Variants in PTPRM observed in about 807,000 individuals in gnomAD.
PTPRM encodes receptor-type tyrosine-protein phosphatase mu.
In PTPRM, 47 loss-of-function variants were observed where a neutral mutation model predicts 186.7. The observed-to-expected ratio is 0.25, with a 90% confidence interval of 0.20 to 0.32. The LOEUF is 0.32. Among genes scored for constraint, PTPRM ranks in the 10% least tolerant of loss-of-function variants. The pLI, the probability that PTPRM is intolerant of heterozygous loss-of-function variation, is 1.00. For missense variants in PTPRM, 1,494 were observed against 1,865.0 expected (o/e 0.80, Z 3.66); for synonymous variants, 668 against 674.9 (o/e 0.99, Z 0.16).
intron 19 of PTPRM, among the ~76,000 whole-genome samples, chr18:8,262,964 T>G (rs1018784897): frequency 2.6e-5 from 4 of 152,236 alleles, no homozygotes; most frequent in Non-Finnish European, 2.9e-5. Flanking sequence ...TCATATAGGA[T>G]CGGGTGGGCT....
chr18:8,016,291 G>T (rs1346399138), intron 7 of PTPRM, among the ~76,000 whole-genome samples: 6 of 152,106 alleles, frequency 3.9e-5, no homozygotes, highest in Non-Finnish European at 5.9e-5. Flanking sequence ...AGGCTGAGGC[G>T]AGTGGATCAC....
At chr18:7,751,994 TG>T (rs2041241511) in intron 1 of PTPRM, among the ~76,000 whole-genome samples, 1 of 152,242 alleles carries the variant, frequency 6.6e-6, no homozygotes, top group African/African-American at 2.4e-5. Context: ...TAGGGTGGGC[TG>T]GGCTGCCACC....
chr18:7,589,933 G>C (rs1224934921), intron 1 of PTPRM, among the ~76,000 whole-genome samples: 5 of 152,152 alleles, frequency 3.3e-5, no homozygotes, highest in African/African-American at 9.7e-5. Context: ...TGCTTAACAC[G>C]TGCTGCATGT....
Position 8,378,259 on chromosome 18 carries a change from C to T in PTPRM, c.3463-6C>T, listed in dbSNP as rs2095709100. 5 of 1,607,316 alleles carry T rather than the reference C, an allele frequency of 3.1e-6. No individual in the cohort carries two copies. The highest frequency in any genetic ancestry group is 4.3e-6 in the Non-Finnish European group (5 of 1,174,620). On this transcript the variant is annotated splice_region_variant and splice_polypyrimidine_tract_variant and intron_variant, in intron 26 of 32. Coordinates refer to ENST00000580170, the MANE Select transcript of PTPRM (RefSeq NM_001105244.2). Reference sequence around the variant, plus strand: ...AGTTAGTAACTCGTTCCATCTCCTTCTCCAGGAGCAGTATGTGTTTATCCA... The same window carrying T: ...AGTTAGTAACTCGTTCCATCTCCTTTTCCAGGAGCAGTATGTGTTTATCCA...
chr18:8,059,145 A>G (rs1389078225), intron 7 of PTPRM, among the ~76,000 whole-genome samples: 4 of 151,466 alleles, frequency 2.6e-5, no homozygotes, highest in Admixed American at 1.3e-4. Context: ...AGCGGTTTGC[A>G]GTTCTCCTTG....
At chr18:7,997,396 G>A (rs1331538791) in intron 7 of PTPRM, among the ~76,000 whole-genome samples, 2 of 152,102 alleles carry the variant, frequency 1.3e-5, no homozygotes, top group Non-Finnish European at 2.9e-5. Context: ...AAATGATGTA[G>A]ACTTAAATCT....
intron 3 of PTPRM, among the ~76,000 whole-genome samples, chr18:7,903,514 C>T (rs1271453266): frequency 2.0e-5 from 3 of 152,284 alleles, no homozygotes; most frequent in Admixed American, 2.0e-4. Flanking sequence ...TACTTGCTCT[C>T]AATATTCATT....
At chr18:7,748,342 G>C (rs1201494133) in intron 1 of PTPRM, among the ~76,000 whole-genome samples, 1 of 152,204 alleles carries the variant, frequency 6.6e-6, no homozygotes, top group Non-Finnish European at 1.5e-5. Flanking sequence ...GTAGACAGTG[G>C]GGTAAATGTG....
At chr18:8,081,934 G>T (rs1396575424) in intron 9 of PTPRM, among the ~76,000 whole-genome samples, 1 of 152,112 alleles carries the variant, frequency 6.6e-6, no homozygotes, top group Admixed American at 6.6e-5. Context: ...GCTATGACTG[G>T]AAGCCAGCTA....
chr18:7,810,349 A>G (rs1161219084), intron 2 of PTPRM, among the ~76,000 whole-genome samples: 2 of 152,246 alleles, frequency 1.3e-5, no homozygotes, highest in African/African-American at 4.8e-5. Context: ...TTACTGTGCT[A>G]ACTGTGAGGA....
At chr18:8,319,656 G>T (rs1343428290) in intron 22 of PTPRM, among the ~76,000 whole-genome samples, 1 of 152,228 alleles carries the variant, frequency 6.6e-6, no homozygotes, top group African/African-American at 2.4e-5. Flanking sequence ...AGTAGGTACA[G>T]TGGCAGGTGA....
chr18:7,588,957 C>T (rs2037053754), intron 1 of PTPRM, among the ~76,000 whole-genome samples: 1 of 152,154 alleles, frequency 6.6e-6, no homozygotes, highest in Admixed American at 6.5e-5. Flanking sequence ...TCCAGTGATC[C>T]TCCTGCCTCA....
chr18:7,580,220 A>G (rs545187763), intron 1 of PTPRM, among the ~76,000 whole-genome samples: 2 of 152,326 alleles, frequency 1.3e-5, no homozygotes, highest in South Asian at 4.1e-4. Context: ...GCAAAAGAGA[A>G]TGAGACTTGG....
At chr18:8,107,299 A>G (rs187560515) in intron 11 of PTPRM, among the ~76,000 whole-genome samples, 1 of 152,304 alleles carries the variant, frequency 6.6e-6, no homozygotes. Context: ...GCCTGTTGTG[A>G]AGATTAATGA....
chr18:8,198,619 C>T (rs371814062), intron 14 of PTPRM, among the ~76,000 whole-genome samples: 37 of 152,282 alleles, frequency 2.4e-4, no homozygotes, highest in African/African-American at 8.9e-4. Context: ...AGTGCTGGTT[C>T]TGTATTGCGG....
intron 29 of PTPRM, among the ~76,000 whole-genome samples, chr18:8,383,640 T>C (rs2095753234): frequency 6.6e-6 from 1 of 152,196 alleles, no homozygotes. Context: ...GGAAATTGCT[T>C]TTTTAATTAG....
intron 1 of PTPRM, among the ~76,000 whole-genome samples, chr18:7,623,375 A>G (rs145559107): frequency 1.6e-4 from 25 of 152,312 alleles, no homozygotes; most frequent in African/African-American, 5.8e-4. Flanking sequence ...AAGTAGCACT[A>G]CTAACAATTT....
chr18:8,093,968 C>T (rs2090889990), intron 11 of PTPRM, among the ~76,000 whole-genome samples: 1 of 152,060 alleles, frequency 6.6e-6, no homozygotes, highest in African/African-American at 2.4e-5. Flanking sequence ...ATTTACATGC[C>T]ATTTTATAAT....
intron 7 of PTPRM, among the ~76,000 whole-genome samples, chr18:8,048,854 C>CT (rs1300475397): frequency 5.9e-5 from 9 of 152,160 alleles, no homozygotes; most frequent in African/African-American, 1.7e-4. Context: ...ATTTGATTCA[C>CT]TTTTTTCATC....
Sources: gnomAD v4.1 joint callset for allele counts (sites outside exome capture counted in the v4.1 genomes callset) on GRCh38, gnomAD v4.1.1 for gene constraint, MANE v1.5 for transcripts, NCBI Gene and HGNC (gene_info 2026-07-23, HGNC 2026-07-21) for gene names.